SYT1: variants seen among roughly 807,000 people sequenced by gnomAD.
SYT1 encodes the protein synaptotagmin 1.
In SYT1, 8 loss-of-function variants were observed where a neutral mutation model predicts 44.8. The ratio of observed to expected loss-of-function variants is 0.18; its 90% CI spans 0.10 to 0.32. The LOEUF (loss-of-function observed/expected upper bound fraction) is 0.32. SYT1 is among the 10% of genes least tolerant of loss of function. SYT1 has a pLI of 1.00. For synonymous variants in SYT1, 154 were observed against 188.8 expected (o/e 0.82, Z 1.51); for missense variants, 286 against 509.3 (o/e 0.56, Z 4.22).
At chr12:79,293,156 C>CAAA (rs746607482) in intron 6 of SYT1, among the ~76,000 whole-genome samples, 2 of 107,342 alleles carry the variant, frequency 1.9e-5, no homozygotes, top group Non-Finnish European at 3.8e-5. Flanking sequence ...ACAAAAAATA[C>CAAA]AAAAAAAAAA....
chr12:79,336,840 T>C (rs1485836389), intron 8 of SYT1, among the ~76,000 whole-genome samples: 1 of 152,164 alleles, frequency 6.6e-6, no homozygotes, highest in African/African-American at 2.4e-5. Flanking sequence ...TTATTTTTAT[T>C]ATTTTTTATT....
intron 3 of SYT1, among the ~76,000 whole-genome samples, chr12:79,214,902 A>AT (rs1242019093): frequency 6.6e-6 from 1 of 151,900 alleles, no homozygotes; most frequent in Non-Finnish European, 1.5e-5. Flanking sequence ...CAAAGGAAAA[A>AT]TTAATTTTTT....
chr12:79,123,817 TC>T (rs1868325196), intron 3 of SYT1, among the ~76,000 whole-genome samples: 1 of 152,112 alleles, frequency 6.6e-6, no homozygotes, highest in Non-Finnish European at 1.5e-5. Flanking sequence ...AAATATTAGT[TC>T]TTTATTTCAT....
intron 3 of SYT1, among the ~76,000 whole-genome samples, chr12:79,192,272 A>T (rs934929479): frequency 6.6e-6 from 1 of 152,202 alleles, no homozygotes; most frequent in Non-Finnish European, 1.5e-5. Flanking sequence ...TAAAAATAAA[A>T]GGATGCAGAG....
At chr12:79,072,170 A>T (rs992805996) in intron 3 of SYT1, among the ~76,000 whole-genome samples, 1 of 152,158 alleles carries the variant, frequency 6.6e-6, no homozygotes, top group Non-Finnish European at 1.5e-5. Flanking sequence ...ATGAACAATA[A>T]AAAAGATAAA....
At chr12:79,144,952 C>T (rs981816715) in intron 3 of SYT1, among the ~76,000 whole-genome samples, 1 of 152,162 alleles carries the variant, frequency 6.6e-6, no homozygotes, top group Non-Finnish European at 1.5e-5. Context: ...TCTGACCTTG[C>T]CCTGGACAAT....
At chr12:79,192,102 G>A (rs1873164897) in intron 3 of SYT1, among the ~76,000 whole-genome samples, 2 of 152,102 alleles carry the variant, frequency 1.3e-5, no homozygotes, top group African/African-American at 4.8e-5. Context: ...GCAAGAACCT[G>A]AAATGAAGAC....
chr12:79,026,667 T>TTTATATA (rs1298013189), intron 2 of SYT1, among the ~76,000 whole-genome samples: 259 of 102,234 alleles, frequency 2.5e-3, no homozygotes, highest in East Asian at 0.017. Flanking sequence ...CATATATATT[T>TTTATATA]TATATATATA....
At chr12:78,927,277 G>A (rs990635666) in intron 1 of SYT1, among the ~76,000 whole-genome samples, 11 of 152,170 alleles carry the variant, frequency 7.2e-5, no homozygotes, top group Admixed American at 5.2e-4. Context: ...AAGTGAAACT[G>A]CCAAACATCA....
At chr12:79,013,697 C>A (rs914876381) in intron 2 of SYT1, among the ~76,000 whole-genome samples, 2 of 152,256 alleles carry the variant, frequency 1.3e-5, no homozygotes, top group African/African-American at 4.8e-5. Flanking sequence ...ATAGGTTCTT[C>A]ATTTACTATA....
At chr12:78,924,313 T>G (rs1164705961) in intron 1 of SYT1, among the ~76,000 whole-genome samples, 2 of 151,910 alleles carry the variant, frequency 1.3e-5, no homozygotes, top group Non-Finnish European at 2.9e-5. Context: ...ATGTAGTTAT[T>G]ACTTTTTCCC....
chr12:79,298,595 G>A (rs891142558), intron 7 of SYT1, among the ~76,000 whole-genome samples: 1 of 152,214 alleles, frequency 6.6e-6, no homozygotes, highest in Non-Finnish European at 1.5e-5. Context: ...CTGAAGTGTA[G>A]CTTACTTGGA....
At chr12:79,000,196 A>G (rs933324016) in intron 2 of SYT1, among the ~76,000 whole-genome samples, 5 of 152,168 alleles carry the variant, frequency 3.3e-5, no homozygotes, top group African/African-American at 1.2e-4. Context: ...GAAGGATTAA[A>G]AATTGTAAAC....
chr12:79,043,284 G>T (rs1036610215), intron 2 of SYT1, among the ~76,000 whole-genome samples: 1 of 150,532 alleles, frequency 6.6e-6, no homozygotes, highest in African/African-American at 2.5e-5. Context: ...GGTCACTCAG[G>T]ACTTGCTTTA....
At chr12:79,218,523 G>A (rs1874953805) in intron 4 of SYT1, among the ~76,000 whole-genome samples, 1 of 151,984 alleles carries the variant, frequency 6.6e-6, no homozygotes, top group Non-Finnish European at 1.5e-5. Flanking sequence ...CTCCCCAATT[G>A]CCACCTCCCC....
intron 3 of SYT1, among the ~76,000 whole-genome samples, chr12:79,116,046 C>G (rs960387469): frequency 2.0e-5 from 3 of 152,196 alleles, no homozygotes; most frequent in Non-Finnish European, 4.4e-5. Context: ...GGTTCTGTCA[C>G]TAACTAGCTG....
intron 3 of SYT1, among the ~76,000 whole-genome samples, chr12:79,145,848 C>G (rs1407382405): frequency 6.6e-6 from 1 of 151,200 alleles, no homozygotes; most frequent in East Asian, 1.9e-4. Flanking sequence ...AGCTCCGCCT[C>G]CCGGGTTCAC....
At chr12:79,445,482 C>T (rs1433792338) in intron 10 of SYT1, among the ~76,000 whole-genome samples, 3 of 151,842 alleles carry the variant, frequency 2.0e-5, no homozygotes, top group Admixed American at 1.3e-4. Flanking sequence ...CTTTAGTATC[C>T]TTTGTTCTAC....
intron 9 of SYT1, among the ~76,000 whole-genome samples, chr12:79,403,633 T>TA (rs984947085): frequency 6.6e-6 from 1 of 152,108 alleles, no homozygotes; most frequent in Non-Finnish European, 1.5e-5. Context: ...CAGTGGGTTT[T>TA]ATTATGATCT....
Sources: gnomAD v4.1 joint callset for allele counts (sites outside exome capture counted in the v4.1 genomes callset) on GRCh38, gnomAD v4.1.1 for gene constraint, MANE v1.5 for transcripts, NCBI Gene and HGNC (gene_info 2026-07-23, HGNC 2026-07-21) for gene names.